The following MTM1 variants were observed in gnomAD, a reference collection of about 807,000 sequenced individuals.
MTM1 encodes the protein myotubularin.
Under a neutral mutation model 52.1 loss-of-function variants are expected in MTM1, and 9 were observed. That is an observed-to-expected ratio of 0.17 (90% confidence interval 0.10 to 0.30). The LOEUF (loss-of-function observed/expected upper bound fraction) is 0.30, where lower values mean the gene tolerates loss of function less well. Among genes scored for constraint, MTM1 ranks in the 10% least tolerant of loss-of-function variants. The pLI is 1.00. For synonymous variants in MTM1, 136 were observed against 163.8 expected (o/e 0.83, Z 1.29); for missense variants, 277 against 470.7 (o/e 0.59, Z 3.81).
chrX:150,595,999 T>G (rs2038968870), intron 2 of MTM1, among the ~76,000 whole-genome samples: 1 of 91,618 alleles, frequency 1.1e-5, no homozygotes, highest in Non-Finnish European at 2.2e-5. Context: ...AGAGGAAGGG[T>G]CTTAGTGAAA....
At chrX:150,571,599 A>G (rs2038377545) in intron 1 of MTM1, among the ~76,000 whole-genome samples, 1 of 111,712 alleles carries the variant, frequency 9.0e-6, no homozygotes, top group Admixed American at 9.5e-5. Context: ...ACGATATGGA[A>G]CTCTTTTGTT....
intron 7 of MTM1, among the ~76,000 whole-genome samples, chrX:150,640,092 A>G (rs1170473996): frequency 8.9e-6 from 1 of 111,761 alleles, no homozygotes; most frequent in Non-Finnish European, 1.9e-5. Flanking sequence ...CACTACTCCC[A>G]TTTTAATGGC....
chrX:150,645,724 G>A lies in MTM1; in HGVS notation c.720G>A (p.Val240=), dbSNP rs2148493142. The A allele has an allele frequency of 1.7e-6, 2 of 1,211,626 alleles. No individual in the cohort carries two copies. Among genetic ancestry groups the A allele is most frequent in the Non-Finnish European group, 2.2e-6 (2 of 895,244 alleles). ...ATCCAGAAAATAAGACGGTCATTGT[G>A]CGTTGCAGTCAGCCTCTTGTCGGTA... The part of the protein sequence containing the change: ...WIHPENKTVI[V]RCSQPLVGMS... The change falls in exon 9 of 15, where the codon GTG becomes GTA. Residue 240 remains valine, a synonymous_variant. Transcript: ENST00000370396.
chrX:150,578,527 T>C (rs1175494754), intron 1 of MTM1, among the ~76,000 whole-genome samples: 1 of 112,492 alleles, frequency 8.9e-6, no homozygotes, highest in Non-Finnish European at 1.9e-5. Context: ...AAAACTAGTA[T>C]GTCTATGTTC....
intron 1 of MTM1, among the ~76,000 whole-genome samples, chrX:150,575,925 C>T (rs144004683): frequency 3.2e-4 from 36 of 111,208 alleles, no homozygotes; most frequent in Admixed American, 1.1e-3. Context: ...AATTCTCCTG[C>T]CTCAGTCTCC....
chrX:150,575,620 A>C lies in MTM1; in HGVS notation c.-11+6958A>C, dbSNP rs782808880. ...ATAATCACCTGAGGGGTTTTTGCAAAACTACAAATTCCTGGCATCATGCCT... is the reference window on the plus strand; with the variant it reads ...ATAATCACCTGAGGGGTTTTTGCAACACTACAAATTCCTGGCATCATGCCT... On this transcript the variant is annotated intron_variant, in intron 1 of 14. Transcript: ENST00000370396. 4.5e-5 allele frequency among the ~76,000 whole-genome samples: 5 copies of C among 111,420 alleles called. No individual in the cohort carries two copies. In the South Asian group the frequency reaches 1.9e-3, roughly 43 times the overall value.
At chrX:150,630,030 T>C (rs370902898) in intron 6 of MTM1, among the ~76,000 whole-genome samples, 1 of 112,294 alleles carries the variant, frequency 8.9e-6, no homozygotes, top group African/African-American at 3.2e-5. Flanking sequence ...AATTCCTCAT[T>C]GCCATATATG....
intron 10 of MTM1, 84 bp from the exon 11 acceptor site, chrX:150,657,737 C>A: frequency 1.1e-6 from 1 of 903,648 alleles, no homozygotes; most frequent in Non-Finnish European, 1.6e-6. Context: ...TATTTTAAAG[C>A]ATGGCTTTTT....
chrX:150,581,979 T>C (rs1557411903), intron 1 of MTM1, among the ~76,000 whole-genome samples: 1 of 112,389 alleles, frequency 8.9e-6, no homozygotes, highest in African/African-American at 3.2e-5. Flanking sequence ...CTGTTTTGCT[T>C]TAATTGTATC....
At chrX:150,636,639 T>C (rs1290480570) in intron 6 of MTM1, among the ~76,000 whole-genome samples, 1 of 112,048 alleles carries the variant, frequency 8.9e-6, no homozygotes, top group Non-Finnish European at 1.9e-5. Context: ...AAAAACCATG[T>C]TGAGGTCAGG....
At chrX:150,566,726 C>G (rs782234750), upstream of MTM1, among the ~76,000 whole-genome samples, 13 of 110,920 alleles carry the variant, frequency 1.2e-4, no homozygotes, top group Non-Finnish European at 2.1e-4. Context: ...CCAGCTCCAT[C>G]GAAAAGCTTT....
At chrX:150,564,641 A>G (rs1430246585), upstream of MTM1, among the ~76,000 whole-genome samples, 2 of 111,940 alleles carry the variant, frequency 1.8e-5, no homozygotes, top group Admixed American at 1.9e-4. Context: ...TCGGCCTCCC[A>G]AAGTGCTGGG....
chrX:150,586,952 GGAAGGGAACTGGTATTTGAGC>G (rs1365539962), intron 1 of MTM1, among the ~76,000 whole-genome samples: 1 of 108,770 alleles, frequency 9.2e-6, no homozygotes, highest in African/African-American at 3.4e-5. Flanking sequence ...TCTGGTAGGA[GGAAGGGAACTGGTATTTGAGC>G]ATCTTTGTTA....
intron 4 of MTM1, among the ~76,000 whole-genome samples, chrX:150,614,059 G>A (rs2039339323): frequency 8.9e-6 from 1 of 112,200 alleles, no homozygotes; most frequent in African/African-American, 3.2e-5. Flanking sequence ...TGGAACTTCT[G>A]AGGAAAAAGT....
At chrX:150,596,808 G>A in intron 3 of MTM1, 1 of 337,580 alleles carries the variant, frequency 3.0e-6, no homozygotes, top group Non-Finnish European at 5.2e-6. Context: ...GAATGATTTA[G>A]GGGAAAAAAA....
intron 6 of MTM1, among the ~76,000 whole-genome samples, chrX:150,630,621 C>T (rs781795054): frequency 1.8e-5 from 2 of 111,365 alleles, no homozygotes; most frequent in South Asian, 3.8e-4. Context: ...GTTAGTTGTA[C>T]GTACTTTTTG....
At chrX:150,617,342 C>T (rs1339182153) in intron 5 of MTM1, among the ~76,000 whole-genome samples, 1 of 112,131 alleles carries the variant, frequency 8.9e-6, no homozygotes, top group Non-Finnish European at 1.9e-5. Flanking sequence ...TGAGAATGCT[C>T]AGCTCTCCAG....
At chrX:150,652,692 CACAT>C (rs781890742) in intron 10 of MTM1, among the ~76,000 whole-genome samples, 97 of 89,861 alleles carry the variant, frequency 1.1e-3, no homozygotes, top group South Asian at 3.0e-3. Context: ...CACACACACA[CACAT>C]ACATACAGAA....
chrX:150,649,975 A>C (rs939382560), intron 10 of MTM1, 74 bp downstream of exon 10: 40 of 954,386 alleles, frequency 4.2e-5, no homozygotes, highest in Non-Finnish European at 5.5e-5. Flanking sequence ...ACATATTTTT[A>C]AATTCCTTAA....
Sources: gnomAD v4.1 joint callset for allele counts (sites outside exome capture counted in the v4.1 genomes callset) on GRCh38, gnomAD v4.1.1 for gene constraint, MANE v1.5 for transcripts, NCBI Gene and HGNC (gene_info 2026-07-23, HGNC 2026-07-21) for gene names.